Variants in QTMAN observed in about 807,000 individuals in gnomAD.
QTMAN encodes the protein tRNA-queuosine alpha-mannosyltransferase.
the QTMAN span, chr2:143,946,896 T>G: frequency 1.7e-6 from 1 of 577,354 alleles, no homozygotes; most frequent in South Asian, 2.4e-5. Flanking sequence ...CCGCCACAGG[T>G]TTGTGGCAGA....
chr2:144,182,785 TTA>T, the QTMAN span, among the ~76,000 whole-genome samples: 2 of 64,630 alleles, frequency 3.1e-5, no homozygotes, highest in Middle Eastern at 6.6e-3. Flanking sequence ...ATCAGGTACA[TTA>T]TATATATATA....
chr2:143,985,518 T>TG, the QTMAN span, among the ~76,000 whole-genome samples: 1 of 152,266 alleles, frequency 6.6e-6, no homozygotes, highest in African/African-American at 2.4e-5. Flanking sequence ...AAAGTGGCAC[T>TG]GGAAGTTGAA....
At chr2:144,245,313 T>C in the QTMAN span, among the ~76,000 whole-genome samples, 1 of 152,234 alleles carries the variant, frequency 6.6e-6, no homozygotes, top group Admixed American at 6.5e-5. Context: ...AATCCATCAG[T>C]GACAAACATG....
At chr2:144,041,673 C>G in the QTMAN span, among the ~76,000 whole-genome samples, 1 of 152,164 alleles carries the variant, frequency 6.6e-6, no homozygotes, top group African/African-American at 2.4e-5. Flanking sequence ...GGAACTCATA[C>G]TATAGTGAAG....
chr2:144,014,900 T>C, the QTMAN span, among the ~76,000 whole-genome samples: 2 of 152,206 alleles, frequency 1.3e-5, no homozygotes, highest in Non-Finnish European at 2.9e-5. Context: ...ATTTATACCA[T>C]TTGCTTATAT....
chr2:144,212,638 T>C, the QTMAN span, among the ~76,000 whole-genome samples: 3 of 152,000 alleles, frequency 2.0e-5, no homozygotes, highest in African/African-American at 4.8e-5. Context: ...AAGAAAAGAG[T>C]AAATGGCCAC....
At chr2:144,303,273 G>T in the QTMAN span, among the ~76,000 whole-genome samples, 5 of 152,164 alleles carry the variant, frequency 3.3e-5, no homozygotes, top group African/African-American at 4.8e-5. Context: ...GAAGTACTAT[G>T]TTAAGTATAA....
the QTMAN span, among the ~76,000 whole-genome samples, chr2:144,104,821 C>T: frequency 3.3e-5 from 5 of 152,218 alleles, no homozygotes; most frequent in African/African-American, 1.2e-4. Flanking sequence ...CAAGTGGGTC[C>T]CTGATCCCCG....
At chr2:143,996,333 A>G in the QTMAN span, among the ~76,000 whole-genome samples, 2 of 152,112 alleles carry the variant, frequency 1.3e-5, no homozygotes, top group African/African-American at 4.8e-5. Flanking sequence ...TTTTTCTATT[A>G]CATTTATTGG....
chr2:144,014,496 C>T, the QTMAN span, among the ~76,000 whole-genome samples: 5 of 152,100 alleles, frequency 3.3e-5, no homozygotes, highest in Non-Finnish European at 5.9e-5. Flanking sequence ...ATAGGAAAAA[C>T]AGGATCCACA....
the QTMAN span, among the ~76,000 whole-genome samples, chr2:144,100,630 A>G: frequency 1.3e-5 from 2 of 152,164 alleles, no homozygotes; most frequent in South Asian, 4.1e-4. Flanking sequence ...ATCCAATGTT[A>G]TCAATATATT....
chr2:144,205,959 T>C, the QTMAN span, among the ~76,000 whole-genome samples: 43 of 152,360 alleles, frequency 2.8e-4, no homozygotes, highest in African/African-American at 1.0e-3. Flanking sequence ...AAATAACTTG[T>C]TGAGCTTTCG....
chr2:144,307,170 AAAAAAAAAAAAAACAATT>A, the QTMAN span, among the ~76,000 whole-genome samples: 30 of 150,282 alleles, frequency 2.0e-4, no homozygotes, highest in Admixed American at 3.3e-4. Flanking sequence ...AAAAAAAAAA[AAAAAAAAAAAAAACAATT>A]AAAAAAAAAA....
chr2:144,088,374 A>G, the QTMAN span, among the ~76,000 whole-genome samples: 8 of 152,138 alleles, frequency 5.3e-5, no homozygotes, highest in African/African-American at 1.7e-4. Context: ...AAGAATTAAT[A>G]TTGATAAAAT....
At chr2:144,040,555 A>G in the QTMAN span, among the ~76,000 whole-genome samples, 8,830 of 152,172 alleles carry the variant, frequency 0.058, 870 homozygotes, top group African/African-American at 0.2. Flanking sequence ...TACGTCGCTA[A>G]GACCCTAAAA....
the QTMAN span, chr2:143,943,263 A>T: frequency 6.6e-6 from 1 of 152,232 alleles, no homozygotes; most frequent in Admixed American, 6.5e-5. Flanking sequence ...ATAGGATAGG[A>T]GCATTAGTTG....
At chr2:143,990,150 A>T in the QTMAN span, among the ~76,000 whole-genome samples, 493 of 152,116 alleles carry the variant, frequency 3.2e-3, 8 homozygotes, top group African/African-American at 0.011. Flanking sequence ...AAAAAAAAAA[A>T]ATTCTCCTGC....
chr2:144,171,928 A>G, the QTMAN span, among the ~76,000 whole-genome samples: 2 of 152,196 alleles, frequency 1.3e-5, no homozygotes. Flanking sequence ...AATCAGAAGT[A>G]TAGTTATTTT....
the QTMAN span, among the ~76,000 whole-genome samples, chr2:144,288,036 G>A: frequency 6.6e-6 from 1 of 151,728 alleles, no homozygotes; most frequent in Non-Finnish European, 1.5e-5. Context: ...TGTATTTTTA[G>A]TAGAGACGGG....
Sources: allele counts gnomAD v4.1 joint callset (sites outside exome capture counted in the v4.1 genomes callset), GRCh38; gene constraint gnomAD v4.1.1; transcripts MANE v1.5; gene names NCBI Gene and HGNC (gene_info 2026-07-23, HGNC 2026-07-21).